The following BRWD1 variants were observed in gnomAD, a reference collection of about 807,000 sequenced individuals.
BRWD1 encodes bromodomain and WD repeat domain containing 1, also known as bromodomain and WD repeat-containing protein 1.
Under a neutral mutation model 251.2 loss-of-function variants are expected in BRWD1, and 82 were observed. That is an observed-to-expected ratio of 0.33 (90% CI 0.27 to 0.39). The LOEUF is 0.39. BRWD1 is among the 10% of genes least tolerant of loss of function. The probability of loss-of-function intolerance (pLI) is 1.00; values close to 1 mark genes in which losing one functional copy is unlikely to be tolerated. For synonymous variants in BRWD1, 918 were observed against 902.8 expected (o/e 1.02, Z -0.30); for missense variants, 2,233 against 2,711.6 (o/e 0.82, Z 3.92).
At position 39,194,989 on chromosome 21, in the gene BRWD1, G is replaced by C; in HGVS notation, c.*1270C>G. 1.4e-6 allele frequency: 2 copies of C among 1,408,588 alleles called. No homozygotes were observed. The highest frequency in any genetic ancestry group is 1.6e-5 in the South Asian group (1 of 61,546). 87.3% of individuals were successfully genotyped at this position (1,408,588 alleles called of 1,614,324 possible). ...CCATCTTCAGGCACAAACAAGTTAG[G>C]AATGGCCATCTACACTGGAGTAGCA... On this transcript the variant is annotated 3_prime_UTR_variant, in exon 41 of 41. Coordinates refer to ENST00000342449, the MANE Select transcript of BRWD1 (RefSeq NM_033656.4).
At chr21:39,281,154 T>G (rs994881168) in intron 8 of BRWD1, among the ~76,000 whole-genome samples, 1 of 152,138 alleles carries the variant, frequency 6.6e-6, no homozygotes, top group Non-Finnish European at 1.5e-5. Flanking sequence ...GGTAAATGAA[T>G]AGAGAATCTG....
intron 8 of BRWD1, among the ~76,000 whole-genome samples, chr21:39,288,109 A>T (rs2035698357): frequency 6.6e-6 from 1 of 152,226 alleles, no homozygotes; most frequent in Non-Finnish European, 1.5e-5. Flanking sequence ...ATCTGCTTCC[A>T]AAATGGCTTA....
intron 8 of BRWD1, among the ~76,000 whole-genome samples, chr21:39,287,079 G>GTA (rs1281693927): frequency 1.3e-5 from 2 of 152,114 alleles, no homozygotes; most frequent in Non-Finnish European, 2.9e-5. Context: ...TCCTTAGTGT[G>GTA]TATCTCCTAA....
At chr21:39,238,942 T>C (rs1411644459) in intron 21 of BRWD1, among the ~76,000 whole-genome samples, 2 of 152,210 alleles carry the variant, frequency 1.3e-5, no homozygotes, top group African/African-American at 2.4e-5. Context: ...CCCTGTGACA[T>C]ATTTTGGTAG....
chr21:39,294,652 C>CT (rs1264250292), intron 7 of BRWD1, among the ~76,000 whole-genome samples: 2 of 112,382 alleles, frequency 1.8e-5, no homozygotes, highest in Non-Finnish European at 3.9e-5. Context: ...GAGACTCCGT[C>CT]TCAAAAAAAA....
intron 5 of BRWD1, chr21:39,297,055 A>C: frequency 1.0e-6 from 1 of 985,390 alleles, no homozygotes; most frequent in African/African-American, 1.7e-5. Flanking sequence ...GCACATACGT[A>C]GGATCTGTGA....
intron 8 of BRWD1, among the ~76,000 whole-genome samples, chr21:39,285,706 C>T (rs1296787031): frequency 2.6e-5 from 4 of 151,702 alleles, no homozygotes; most frequent in Admixed American, 6.6e-5. Flanking sequence ...GAGGACTGCT[C>T]GAGCCTAGGA....
chr21:39,270,598 G>A (rs1199253392), intron 13 of BRWD1, among the ~76,000 whole-genome samples, 165 bp from the exon 14 acceptor site: 1 of 152,198 alleles, frequency 6.6e-6, no homozygotes, highest in African/African-American at 2.4e-5. Context: ...TCTAGAAACA[G>A]GTGAGGGCAA....
At chr21:39,288,635 A>G (rs1373230796) in intron 8 of BRWD1, among the ~76,000 whole-genome samples, 1 of 152,232 alleles carries the variant, frequency 6.6e-6, no homozygotes, top group East Asian at 1.9e-4. Flanking sequence ...ACTATTGATA[A>G]AGCCTCACCA....
chr21:39,225,419 C>T (rs567339952), intron 27 of BRWD1, among the ~76,000 whole-genome samples: 2 of 152,088 alleles, frequency 1.3e-5, no homozygotes, highest in Admixed American at 6.5e-5. Flanking sequence ...ACACTTCAAC[C>T]AGTGAAATAA....
chr21:39,274,406 G>C lies in BRWD1; in HGVS notation c.1212C>G (p.Ser404Arg). 3 of 1,613,790 alleles carry C rather than the reference G, an allele frequency of 1.9e-6. No individual in the cohort carries two copies. Among genetic ancestry groups the C allele is most frequent in the Non-Finnish European group, 2.5e-6 (3 of 1,179,876 alleles). ...TTCTGGTAGCCATATCCAATAAAAT[G>C]CTCCTCCATTCTAACTGCTCAAATC... ...IWRFEQLEWR[S>R]ILLDMATRIS... is the part of the protein sequence containing the mutation. The change falls in exon 13 of 41, where the codon AGC becomes AGG. Residue 404 changes from serine to arginine, a missense_variant. This residue lies in a region of BRWD1 where 315 missense variants were observed against 421.8 expected (regional missense o/e 0.75). Transcript: ENST00000342449.
Position 39,191,102 on chromosome 21 carries a change from G to C in BRWD1, c.*5157C>G. 1.0e-6 allele frequency: 1 copy of C among 985,236 alleles called. No individual in the cohort carries two copies. Among genetic ancestry groups the C allele is most frequent in the Non-Finnish European group, 1.2e-6 (1 of 829,842 alleles). The allele number at this position is 985,236 out of a possible 1,614,324, so 61.0% of individuals were successfully genotyped here. A position where few individuals can be genotyped will look rare whatever the true frequency, so the allele number is the denominator to read the frequency against. On this transcript the variant is annotated 3_prime_UTR_variant, in exon 41 of 41. Transcript: ENST00000342449. ...TTGCTTTTTAGAAGCAATACCTTAA[G>C]AGCATTTCACACTAAATGCAGGCAG...
intron 19 of BRWD1, among the ~76,000 whole-genome samples, chr21:39,252,036 G>A (rs2034411546): frequency 7.9e-5 from 12 of 151,960 alleles, no homozygotes; most frequent in Admixed American, 7.9e-4. Context: ...GGAGGCCAAG[G>A]TACATGGATC....
At position 39,196,130 on chromosome 21, in the gene BRWD1, TTCA is replaced by T; in HGVS notation, c.*126_*128del. ...AAATAACAGTCATGATTTAGTCACA[TTCA>T]TAACTTTTCATAGAAAAATATAAAT... On this transcript the variant is annotated 3_prime_UTR_variant, in exon 41 of 41. Transcript: ENST00000342449. The T allele has an allele frequency of 1.4e-6, 2 of 1,445,930 alleles. No homozygotes were observed. The highest frequency in any genetic ancestry group is 1.8e-6 in the Non-Finnish European group (2 of 1,106,860). 89.6% of individuals were successfully genotyped at this position (1,445,930 alleles called of 1,614,324 possible). A position where few individuals can be genotyped will look rare whatever the true frequency, so the allele number is the denominator to read the frequency against.
chr21:39,212,289 A>G (rs1015042758), intron 34 of BRWD1, among the ~76,000 whole-genome samples: 5 of 152,240 alleles, frequency 3.3e-5, no homozygotes, highest in Non-Finnish European at 4.4e-5. Flanking sequence ...TTGGATTTCA[A>G]TATCACCATA....
intron 12 of BRWD1, 34 bp downstream of exon 12, chr21:39,276,138 TA>T: frequency 6.4e-7 from 1 of 1,552,500 alleles, no homozygotes; most frequent in Admixed American, 1.8e-5. Context: ...ATTTGCCTAA[TA>T]ACACACACAC....
At chr21:39,313,129 G>T (rs986375351) in intron 2 of BRWD1, 28 bp from the exon 3 acceptor site, 14 of 1,497,996 alleles carry the variant, frequency 9.3e-6, no homozygotes, top group Non-Finnish European at 1.2e-5. Context: ...GCGGTCAGGG[G>T]TGGGGTCGGG....
chr21:39,228,688 A>T, intron 26 of BRWD1, 106 bp from the exon 27 acceptor site: 1 of 581,208 alleles, frequency 1.7e-6, no homozygotes, highest in Non-Finnish European at 3.1e-6. Flanking sequence ...GTAATTTTTA[A>T]TTTTCAACCA....
chr21:39,191,172 T>C lies in BRWD1; in HGVS notation c.*5087A>G. 1 of 985,364 alleles carries C rather than the reference T, an allele frequency of 1.0e-6. No individual in the cohort carries two copies. The allele number at this position is 985,364 out of a possible 1,614,324, so 61.0% of individuals were successfully genotyped here. Reference sequence around the variant, plus strand: ...TTTTCAATCTACCCTATTACTGTACTACTGGAAAGAAACCAGGCCACAGAC... The same window carrying C: ...TTTTCAATCTACCCTATTACTGTACCACTGGAAAGAAACCAGGCCACAGAC... On this transcript the variant is annotated 3_prime_UTR_variant, in exon 41 of 41. Transcript: ENST00000342449.
Sources: allele counts gnomAD v4.1 joint callset (sites outside exome capture counted in the v4.1 genomes callset), GRCh38; gene constraint gnomAD v4.1.1; regional missense constraint gnomAD v4.1.1; transcripts MANE v1.5; gene names NCBI Gene and HGNC (gene_info 2026-07-23, HGNC 2026-07-21).